Variants in CDK14 observed in about 807,000 individuals in gnomAD.
The protein encoded by CDK14 is cyclin dependent kinase 14.
A neutral mutation model predicts 60.7 loss-of-function variants in CDK14; 34 were observed. The ratio of observed to expected loss-of-function variants is 0.56; its 90% confidence interval spans 0.43 to 0.75. The LOEUF (loss-of-function observed/expected upper bound fraction) is 0.75, where lower values mean the gene tolerates loss of function less well. Ranked by LOEUF, CDK14 falls within the 30% of genes least tolerant of loss-of-function variation. The probability of loss-of-function intolerance (pLI) is 0.00; values close to 1 mark genes in which losing one functional copy is unlikely to be tolerated. For missense variants in CDK14, 482 were observed against 564.1 expected, an observed-to-expected ratio of 0.85 and a Z score of 1.47; for synonymous variants, 197 against 203.7, an observed-to-expected ratio of 0.97 and a Z score of 0.28.
rs564758179 is a variant in CDK14 at position 91,074,285 on chromosome 7, A to G, written c.1106-5147A>G. Reference sequence around the variant, plus strand: ...CCTCAGCAAATGCAAAAGAACTGAAATCATAACAAAACATTCTCTCAGACC... The same window carrying G: ...CCTCAGCAAATGCAAAAGAACTGAAGTCATAACAAAACATTCTCTCAGACC... On this transcript the variant is annotated intron_variant, in intron 11 of 14. Transcript: ENST00000380050. 2.6e-5 allele frequency among the ~76,000 whole-genome samples: 4 copies of G among 152,364 alleles called. No homozygotes were observed. The South Asian group carries it at 8.3e-4, about 32-fold the overall frequency.
intron 2 of CDK14, among the ~76,000 whole-genome samples, chr7:90,655,829 A>C (rs1363092915): frequency 1.3e-5 from 2 of 152,212 alleles, no homozygotes; most frequent in African/African-American, 4.8e-5. Context: ...CCAACCTTTC[A>C]TCAGAGACTT....
intron 9 of CDK14, among the ~76,000 whole-genome samples, chr7:90,970,441 GAAATC>G (rs1186102813): frequency 5.3e-5 from 8 of 152,180 alleles, no homozygotes; most frequent in African/African-American, 1.9e-4. Flanking sequence ...CACCTGGGAA[GAAATC>G]AAAGTTGCCA....
chr7:90,926,428 T>C (rs193067683), intron 8 of CDK14, among the ~76,000 whole-genome samples: 11 of 152,320 alleles, frequency 7.2e-5, no homozygotes, highest in Non-Finnish European at 1.3e-4. Flanking sequence ...ATCACCCTCT[T>C]TAATTATATT....
intron 5 of CDK14, among the ~76,000 whole-genome samples, chr7:90,809,648 C>A (rs1420405302): frequency 6.6e-6 from 1 of 152,036 alleles, no homozygotes; most frequent in Non-Finnish European, 1.5e-5. Flanking sequence ...GAAATAGAGA[C>A]ACAAAAAACC....
intron 6 of CDK14, among the ~76,000 whole-genome samples, chr7:90,867,900 C>T (rs992625833): frequency 3.3e-5 from 5 of 151,506 alleles, no homozygotes; most frequent in Admixed American, 2.6e-4. Flanking sequence ...TGGAGGTGGG[C>T]GGATTGCTTG....
At chr7:90,677,398 A>C (rs983128975) in intron 2 of CDK14, among the ~76,000 whole-genome samples, 4 of 152,218 alleles carry the variant, frequency 2.6e-5, no homozygotes, top group Admixed American at 6.5e-5. Flanking sequence ...AAGGTGCCTT[A>C]AAGTTATGCT....
chr7:90,872,291 A>G (rs889325790), intron 6 of CDK14, among the ~76,000 whole-genome samples: 1 of 152,182 alleles, frequency 6.6e-6, no homozygotes, highest in African/African-American at 2.4e-5. Context: ...TTTTTGTTTC[A>G]TATATGGAGA....
intron 14 of CDK14, among the ~76,000 whole-genome samples, chr7:91,154,222 C>CT (rs1176279423): frequency 4.6e-5 from 7 of 150,870 alleles, no homozygotes; most frequent in Non-Finnish European, 8.9e-5. Flanking sequence ...TTATAATCTC[C>CT]TTTTTTTTCT....
chr7:90,813,086 C>A (rs927976450), intron 5 of CDK14, among the ~76,000 whole-genome samples: 1 of 152,166 alleles, frequency 6.6e-6, no homozygotes, highest in Admixed American at 6.5e-5. Flanking sequence ...AAGGAGCTAA[C>A]TACTGATAAC....
chr7:91,122,191 G>A (rs192958418), intron 14 of CDK14, among the ~76,000 whole-genome samples: 1 of 152,182 alleles, frequency 6.6e-6, no homozygotes, highest in Non-Finnish European at 1.5e-5. Context: ...TCAATTGCAA[G>A]AAGTTAACTG....
intron 2 of CDK14, among the ~76,000 whole-genome samples, chr7:90,674,049 A>G (rs919142700): frequency 6.6e-6 from 1 of 152,196 alleles, no homozygotes; most frequent in Non-Finnish European, 1.5e-5. Flanking sequence ...TTGGGAGCTT[A>G]ACTAAGTTGT....
chr7:90,596,528 G>A lies in CDK14; in HGVS notation c.-100G>A, dbSNP rs1799189050. 1.1e-6 allele frequency: 1 copy of A among 935,060 alleles called. No homozygotes were observed. Among genetic ancestry groups the A allele is most frequent in the Non-Finnish European group, 1.7e-6 (1 of 595,114 alleles). The allele number at this position is 935,060 out of a possible 1,614,324, so 57.9% of individuals were successfully genotyped here. A position where few individuals can be genotyped will look rare whatever the true frequency, so the allele number is the denominator to read the frequency against. On this transcript the variant is annotated 5_prime_UTR_variant, in exon 1 of 15. Transcript: ENST00000380050. Reference sequence around the variant, plus strand: ...TTCCCGGCCCGCCGAGGAGGTGGTGGAGGAGGAGGCGCCGCTTTCCCCGCG... The same window carrying A: ...TTCCCGGCCCGCCGAGGAGGTGGTGAAGGAGGAGGCGCCGCTTTCCCCGCG...
intron 6 of CDK14, among the ~76,000 whole-genome samples, chr7:90,877,625 G>A (rs1396387955): frequency 6.6e-6 from 1 of 151,972 alleles, no homozygotes; most frequent in African/African-American, 2.4e-5. Context: ...TTTTTACTTG[G>A]ATAAGGAAGT....
intron 2 of CDK14, among the ~76,000 whole-genome samples, chr7:90,615,967 CCTTT>C (rs1425742477): frequency 1.3e-5 from 2 of 152,072 alleles, no homozygotes; most frequent in African/African-American, 4.8e-5. Flanking sequence ...AGTTTGAGAG[CCTTT>C]CTTTTAAAAT....
At chr7:90,684,979 T>C (rs898440207) in intron 2 of CDK14, among the ~76,000 whole-genome samples, 2 of 145,594 alleles carry the variant, frequency 1.4e-5, no homozygotes, top group Non-Finnish European at 3.0e-5. Context: ...TATATGTTTT[T>C]ATGCATAGAT....
chr7:91,012,593 GT>G (rs1412207279), intron 10 of CDK14, among the ~76,000 whole-genome samples: 3 of 152,218 alleles, frequency 2.0e-5, no homozygotes, highest in South Asian at 2.1e-4. Context: ...GATTCAACTT[GT>G]TTGTTACCTG....
At chr7:90,601,580 T>G (rs576560189) in intron 1 of CDK14, among the ~76,000 whole-genome samples, 1 of 152,340 alleles carries the variant, frequency 6.6e-6, no homozygotes, top group Non-Finnish European at 1.5e-5. Flanking sequence ...TTTCTCCTCT[T>G]GATACCTCCA....
At chr7:90,618,323 TTC>T (rs567260382) in intron 2 of CDK14, among the ~76,000 whole-genome samples, 2 of 152,238 alleles carry the variant, frequency 1.3e-5, no homozygotes, top group Non-Finnish European at 2.9e-5. Flanking sequence ...CCAATTTTTT[TTC>T]TCTCTTTCTC....
chr7:90,649,236 G>GTTTCTTTC (rs1167505193), intron 2 of CDK14, among the ~76,000 whole-genome samples: 59 of 118,824 alleles, frequency 5.0e-4, no homozygotes, highest in African/African-American at 9.3e-4. Flanking sequence ...CTAGCCTATA[G>GTTTCTTTC]TTTCTTTCTT....
Sources: gnomAD v4.1 joint callset for allele counts (sites outside exome capture counted in the v4.1 genomes callset) on GRCh38, gnomAD v4.1.1 for gene constraint, MANE v1.5 for transcripts, NCBI Gene and HGNC (gene_info 2026-07-23, HGNC 2026-07-21) for gene names.